NAV3: variants seen among roughly 807,000 people sequenced by gnomAD.
NAV3 encodes neuron navigator 3.
Under a neutral mutation model 244.7 loss-of-function variants are expected in NAV3, and 87 were observed. The observed-to-expected ratio is 0.36, with a 90% CI of 0.30 to 0.42. NAV3 has a LOEUF of 0.42. Among genes scored for constraint, NAV3 ranks in the 20% least tolerant of loss-of-function variants. The pLI is 1.00. For missense variants in NAV3, 2,663 were observed against 2,893.3 expected, an observed-to-expected ratio of 0.92 and a Z score of 1.83; for synonymous variants, 1,126 against 1,042.2, an observed-to-expected ratio of 1.08 and a Z score of -1.55.
intron 1 of NAV3, among the ~76,000 whole-genome samples, chr12:77,933,163 A>G (rs1469033670): frequency 6.6e-6 from 1 of 152,206 alleles, no homozygotes; most frequent in Non-Finnish European, 1.5e-5. Context: ...GATTTTTACT[A>G]ACACGTTAAA....
chr12:78,063,039 A>G lies in NAV3; in HGVS notation c.2636+3924A>G, dbSNP rs114827738. 3.4e-3 allele frequency among the ~76,000 whole-genome samples: 525 copies of G among 152,306 alleles called. 4 individuals carry two copies. Among genetic ancestry groups the G allele is most frequent in the African/African-American group, 0.012 (508 of 41,564 alleles). Reference sequence around the variant, plus strand: ...TGTTTGTATTGTTATAGTGAAGGCTATAGTTTCCCTTTGATCAACTTCTGG... The same window carrying G: ...TGTTTGTATTGTTATAGTGAAGGCTGTAGTTTCCCTTTGATCAACTTCTGG... On this transcript the variant is annotated intron_variant, in intron 12 of 39. Transcript: ENST00000397909.
intron 2 of NAV3, among the ~76,000 whole-genome samples, chr12:77,636,334 T>C (rs1872152110): frequency 6.6e-6 from 1 of 151,638 alleles, no homozygotes; most frequent in Non-Finnish European, 1.5e-5. Flanking sequence ...GGCGTGGTGG[T>C]GGGCGCCTGT....
intron 1 of NAV3, among the ~76,000 whole-genome samples, chr12:77,894,562 T>C (rs1202775206): frequency 1.3e-4 from 1 of 7,918 alleles, no homozygotes; most frequent in African/African-American, 3.2e-4. Context: ...TTGATTACTT[T>C]AACCAACCCT....
chr12:78,041,569 A>G (rs935415639), intron 9 of NAV3, among the ~76,000 whole-genome samples: 3 of 152,126 alleles, frequency 2.0e-5, no homozygotes, highest in Admixed American at 6.5e-5. Context: ...CCCCATAAAT[A>G]TTTTACATTT....
At chr12:77,745,442 A>G (rs1171099234) in intron 2 of NAV3, among the ~76,000 whole-genome samples, 2 of 152,080 alleles carry the variant, frequency 1.3e-5, no homozygotes, top group East Asian at 3.8e-4. Flanking sequence ...CAATGAACAC[A>G]GATAAAACAT....
chr12:77,940,957 ATAT>A, intron 2 of NAV3, 121 bp from the exon 3 acceptor site: 1 of 651,592 alleles, frequency 1.5e-6, no homozygotes, highest in South Asian at 1.9e-5. Flanking sequence ...GGAAGACAGA[ATAT>A]ATGTAGCAGG....
chr12:78,003,339 A>G (rs1198348146), intron 7 of NAV3, among the ~76,000 whole-genome samples: 4 of 152,088 alleles, frequency 2.6e-5, no homozygotes, highest in Admixed American at 2.0e-4. Context: ...TTGTTTAATC[A>G]TTTTCCTCTT....
intron 2 of NAV3, among the ~76,000 whole-genome samples, chr12:77,612,738 C>A (rs1257357473): frequency 6.6e-6 from 1 of 152,082 alleles, no homozygotes; most frequent in East Asian, 1.9e-4. Flanking sequence ...AAAATGCCAA[C>A]CCCTTCAGTA....
In NAV3 at chr12:77,766,735, GTTTTTT is replaced by G. The variant is rs748531378; in HGVS notation, c.73-173553_73-173548del. On this transcript the variant is annotated intron_variant, in intron 2 of 8. Transcript: ENST00000550042. ...AGGATTCTAAAAAACAGGCAATTAA[GTTTTTT>G]TTTTTTTTTTTTTTTTTTTTTTTTT... Among the ~76,000 whole-genome samples, 99 of 60,490 alleles carry G rather than the reference GTTTTTT, an allele frequency of 1.6e-3. 3 individuals are homozygous for G. The highest frequency in any genetic ancestry group is 4.1e-3 in the African/African-American group (65 of 15,808). 39.7% of individuals were successfully genotyped at this position (60,490 alleles called of 152,430 possible). A position where few individuals can be genotyped will look rare whatever the true frequency, so the allele number is the denominator to read the frequency against.
chr12:77,674,081 T>C (rs571733728), intron 2 of NAV3, among the ~76,000 whole-genome samples: 34 of 152,304 alleles, frequency 2.2e-4, no homozygotes, highest in African/African-American at 7.9e-4. Flanking sequence ...TATTATAAAA[T>C]GTTGTGCCAT....
chr12:78,042,235 A>G (rs1880985991), intron 9 of NAV3, among the ~76,000 whole-genome samples: 1 of 152,222 alleles, frequency 6.6e-6, no homozygotes, highest in South Asian at 2.1e-4. Context: ...ATGACTATCA[A>G]CAAAATGGCT....
chr12:78,167,984 A>G (rs1341853622), intron 23 of NAV3, among the ~76,000 whole-genome samples: 1 of 137,248 alleles, frequency 7.3e-6, no homozygotes, highest in African/African-American at 2.5e-5. Context: ...TTATTGGGAC[A>G]TCTTAAAATT....
intron 12 of NAV3, among the ~76,000 whole-genome samples, chr12:78,077,510 A>G (rs749687127): frequency 2.6e-5 from 4 of 152,250 alleles, no homozygotes; most frequent in Non-Finnish European, 5.9e-5. Flanking sequence ...TTCCATGGCC[A>G]TAGTTTGCTG....
intron 1 of NAV3, among the ~76,000 whole-genome samples, chr12:77,931,576 C>A (rs1009044758): frequency 6.6e-6 from 1 of 152,038 alleles, no homozygotes; most frequent in Non-Finnish European, 1.5e-5. Context: ...TAAAAATCTA[C>A]TTGGAAGCGG....
rs916908398 is a variant in NAV3, at chr12:77,639,533, C to T, written c.72+67267C>T. ...TTTCTACTTTGTTCATTAAAATTGACGCCACTCCCATGTTAGAACAGTGGT... is the reference window on the plus strand; with the variant it reads ...TTTCTACTTTGTTCATTAAAATTGATGCCACTCCCATGTTAGAACAGTGGT... On this transcript the variant is annotated intron_variant, in intron 2 of 8. Coordinates refer to the NAV3 transcript ENST00000550042. 5.3e-4 allele frequency among the ~76,000 whole-genome samples: 80 copies of T among 152,084 alleles called. 2 individuals carry two copies. The highest frequency in any genetic ancestry group is 2.6e-4 in the Non-Finnish European group (18 of 68,012).
At chr12:77,664,113 A>G (rs1341986974) in intron 2 of NAV3, among the ~76,000 whole-genome samples, 1 of 152,258 alleles carries the variant, frequency 6.6e-6, no homozygotes, top group East Asian at 1.9e-4. Context: ...AAAATTAAAA[A>G]TTATGAAATT....
At chr12:78,027,327 C>T (rs1333682279) in intron 9 of NAV3, among the ~76,000 whole-genome samples, 10 of 151,800 alleles carry the variant, frequency 6.6e-5, no homozygotes, top group Admixed American at 1.3e-4. Flanking sequence ...CATGTGTAGT[C>T]CAATCTACTC....
intron 2 of NAV3, among the ~76,000 whole-genome samples, chr12:77,612,794 T>C (rs929932515): frequency 2.6e-5 from 4 of 152,142 alleles, no homozygotes; most frequent in African/African-American, 9.7e-5. Flanking sequence ...AATCTCATCT[T>C]GAATTGTAGT....
chr12:78,193,440 G>A (rs142995287), intron 34 of NAV3, among the ~76,000 whole-genome samples: 86 of 152,272 alleles, frequency 5.6e-4, no homozygotes, highest in African/African-American at 1.9e-3. Flanking sequence ...CCTTTTTAGT[G>A]TGTCTGGAGT....
Sources: gnomAD v4.1 joint callset for allele counts (sites outside exome capture counted in the v4.1 genomes callset) on GRCh38, gnomAD v4.1.1 for gene constraint, MANE v1.5 for transcripts, NCBI Gene and HGNC (gene_info 2026-07-23, HGNC 2026-07-21) for gene names.